Variants in NEIL2 observed in about 807,000 individuals in gnomAD.
NEIL2 encodes the protein nei like DNA glycosylase 2, also known as endonuclease 8-like 2.
Under a neutral mutation model 22.2 loss-of-function variants are expected in NEIL2, and 23 were observed. The ratio of observed to expected loss-of-function variants is 1.04; its 90% CI spans 0.75 to 1.47. The LOEUF is 1.47. Ranked by LOEUF, NEIL2 falls within the 40% of genes most tolerant of loss-of-function variation. The pLI is 0.00. For synonymous variants in NEIL2, 229 were observed against 164.8 expected (o/e 1.39, Z -2.99); for missense variants, 583 against 404.7 (o/e 1.44, Z -3.78).
At chr8:11,783,097 G>C in intron 3 of NEIL2, 106 bp from the exon 4 acceptor site, 1 of 900,626 alleles carries the variant, frequency 1.1e-6, no homozygotes, top group East Asian at 2.4e-5. Context: ...TCTATGTTGT[G>C]GTAACGATGT....
At position 11,786,584 on chromosome 8, in the gene NEIL2, TG is replaced by T; in HGVS notation, c.*314del. The T allele has an allele frequency of 2.3e-6, 1 of 428,988 alleles. No homozygotes were observed. The highest frequency in any genetic ancestry group is 2.3e-5 in the South Asian group (1 of 44,208). 26.6% of individuals were successfully genotyped at this position (428,988 alleles called of 1,614,324 possible). ...ATGGGGCAAGGAAAAAGAAAGCCTA[TG>T]GGAAATGGCTGTGCTCCCAACATAG... On this transcript the variant is annotated 3_prime_UTR_variant, in exon 5 of 5. Transcript: ENST00000284503.
intron 2 of NEIL2, among the ~76,000 whole-genome samples, chr8:11,777,813 G>C (rs1205389753): frequency 6.6e-6 from 1 of 152,212 alleles, no homozygotes; most frequent in Non-Finnish European, 1.5e-5. Context: ...CTGGAGCCTG[G>C]AAAGTCCAAG....
rs761026083 is a variant in NEIL2 at position 11,779,634 on chromosome 8, G to C, written c.175G>C (p.Asp59His). 5 of 1,613,536 alleles carry C rather than the reference G, an allele frequency of 3.1e-6. No homozygotes were observed. Among genetic ancestry groups the C allele is most frequent in the Non-Finnish European group, 3.4e-6 (4 of 1,179,904 alleles). ...GAAATTATTCCTTAGATTTGATCTA[G>C]ATGAAGAAATGGGGCCCCCTGGCAG... ...GKKLFLRFDL[D>H]EEMGPPGSSP... is the part of the protein sequence containing the mutation. Residue 59 changes from aspartate (D) to histidine (H), a missense_variant, in exon 3 of 5, where the codon GAT becomes CAT. By Grantham distance (81) the Asp-to-His change is moderately conservative (BLOSUM62 -1). Coordinates refer to ENST00000284503, the MANE Select transcript of NEIL2 (RefSeq NM_145043.4).
intron 4 of NEIL2, among the ~76,000 whole-genome samples, chr8:11,784,076 T>C (rs1804684696): frequency 6.6e-6 from 1 of 152,206 alleles, no homozygotes. Flanking sequence ...GTGCCCAAAA[T>C]TGGTTGCTGA....
chr8:11,779,513 G>C, intron 2 of NEIL2, 85 bp from the exon 3 acceptor site: 1 of 1,102,272 alleles, frequency 9.1e-7, no homozygotes, highest in East Asian at 2.3e-5. Flanking sequence ...TGAGAAGGAA[G>C]ACCTTTGCAA....
rs141885930 is a variant in NEIL2, at chr8:11,771,573, C to G, written c.126C>G (p.Leu42=). ...LQPASLQSLW[L]QDTQVHGKKL... Reference sequence around the variant, plus strand: ...CCGCCAGCCTGCAGTCTCTGTGGCTCCAGGACACCCAGGTGAGGTAATACT... The same window carrying G: ...CCGCCAGCCTGCAGTCTCTGTGGCTGCAGGACACCCAGGTGAGGTAATACT... Residue 42 remains leucine, a synonymous_variant, in exon 2 of 5, where the codon CTC becomes CTG. Coordinates refer to ENST00000284503, the MANE Select transcript of NEIL2 (RefSeq NM_145043.4). 2 of 1,613,770 alleles carry G rather than the reference C, an allele frequency of 1.2e-6. No individual in the cohort carries two copies. The highest frequency in any genetic ancestry group is 1.3e-5 in the African/African-American group (1 of 74,896).
At chr8:11,770,521 A>G (rs1262641414) in intron 1 of NEIL2, among the ~76,000 whole-genome samples, 186 bp downstream of exon 1, 1 of 152,172 alleles carries the variant, frequency 6.6e-6, no homozygotes, top group African/African-American at 2.4e-5. Context: ...AGCCGTCACC[A>G]TTTCTTAGAT....
chr8:11,770,841 G>A (rs906736555), intron 1 of NEIL2, among the ~76,000 whole-genome samples: 1 of 152,166 alleles, frequency 6.6e-6, no homozygotes, highest in Non-Finnish European at 1.5e-5. Flanking sequence ...GTTTCTCGGG[G>A]ATCAGAGATA....
chr8:11,779,903 A>T lies in NEIL2; in HGVS notation c.444A>T (p.Arg148Ser). Reference protein sequence around the residue: ...FGSVWVNDFSRAKKANKRGDW... With the variant: ...FGSVWVNDFSSAKKANKRGDW... ...GCGTTTGGGTGAACGATTTCTCCAG[A>T]GCCAAGAAAGCCAACAAGAGGGGGG... The change falls in exon 3 of 5, where the codon AGA becomes AGT. Residue 148 changes from arginine to serine, a missense_variant. Coordinates refer to ENST00000284503, the MANE Select transcript of NEIL2 (RefSeq NM_145043.4). The T allele has an allele frequency of 2.5e-6, 4 of 1,614,166 alleles. No homozygotes were observed. In the South Asian group the frequency reaches 4.4e-5, roughly 18 times the overall value.
chr8:11,773,173 C>G (rs754142062), intron 2 of NEIL2, among the ~76,000 whole-genome samples: 3 of 152,150 alleles, frequency 2.0e-5, no homozygotes, highest in African/African-American at 2.4e-5. Flanking sequence ...GTCTCTGGAT[C>G]CCCAGCACTT....
intron 2 of NEIL2, among the ~76,000 whole-genome samples, chr8:11,776,280 G>A (rs1803897193): frequency 6.6e-6 from 1 of 152,174 alleles, no homozygotes; most frequent in South Asian, 2.1e-4. Flanking sequence ...TTACTGTTGT[G>A]GGAACAGCAT....
chr8:11,778,967 A>AAG (rs58646648), intron 2 of NEIL2, among the ~76,000 whole-genome samples: 5 of 126,154 alleles, frequency 4.0e-5, no homozygotes, highest in Admixed American at 9.5e-5. Flanking sequence ...AAAAAAAAAG[A>AAG]CAGCAGAACA....
intron 3 of NEIL2, among the ~76,000 whole-genome samples, chr8:11,782,268 A>G (rs1350177417): frequency 2.0e-5 from 3 of 151,970 alleles, no homozygotes; most frequent in South Asian, 2.1e-4. Context: ...TACTAAAAGT[A>G]CAAAAAGTTA....
chr8:11,775,843 C>T (rs1803862152), intron 2 of NEIL2, among the ~76,000 whole-genome samples: 1 of 152,224 alleles, frequency 6.6e-6, no homozygotes, highest in South Asian at 2.1e-4. Context: ...ACCACTTCAG[C>T]CTGTACCTTA....
chr8:11,779,966 T>C lies in NEIL2; in HGVS notation c.491+16T>C. The stretch of plus-strand genomic sequence containing the variant: ...CTTCCCCGAGGTAATGGTGTGGCCA[T>C]CTGATTTTCGTGGGCTCTGATAGTC... On this transcript the variant is annotated intron_variant, in intron 3 of 4. Transcript: ENST00000284503. The C allele has an allele frequency of 1.2e-6, 2 of 1,609,164 alleles. No homozygotes were observed. Among genetic ancestry groups the C allele is most frequent in the Non-Finnish European group, 1.7e-6 (2 of 1,175,878 alleles).
chr8:11,773,229 A>G (rs752838472), intron 2 of NEIL2, among the ~76,000 whole-genome samples: 3 of 152,150 alleles, frequency 2.0e-5, no homozygotes, highest in Non-Finnish European at 4.4e-5. Context: ...ATATTTCCCA[A>G]GTGGATGGGT....
intron 2 of NEIL2, among the ~76,000 whole-genome samples, chr8:11,772,879 A>G (rs1803590338): frequency 6.6e-6 from 1 of 152,326 alleles, no homozygotes; most frequent in Non-Finnish European, 1.5e-5. Context: ...CGGGTACTCC[A>G]TAAGTACTAG....
In NEIL2 at chr8:11,783,410, T is replaced by A; in HGVS notation, c.688+11T>A. 2 of 1,611,592 alleles carry A rather than the reference T, an allele frequency of 1.2e-6. No homozygotes were observed. The highest frequency in any genetic ancestry group is 1.7e-6 in the Non-Finnish European group (2 of 1,177,706). ...ACTTCTCAGGGCTAGGTATGACTCA[T>A]GGGAAAGGGGTGAGTCCACAGAGTT... On this transcript the variant is annotated intron_variant, in intron 4 of 4. Transcript: ENST00000284503.
chr8:11,786,324 C>T lies in NEIL2; in HGVS notation c.*51C>T, dbSNP rs968010902. ...CCTTGCCGCTTGGGGAACCTGACGT[C>T]TAAGTGTCCAGAAAGGAGGATGTGG... On this transcript the variant is annotated 3_prime_UTR_variant, in exon 5 of 5. Transcript: ENST00000284503. The T allele has an allele frequency of 1.9e-6, 3 of 1,559,732 alleles. No homozygotes were observed. The highest frequency in any genetic ancestry group is 2.6e-6 in the Non-Finnish European group (3 of 1,145,014).
Sources: gnomAD v4.1 joint callset for allele counts (sites outside exome capture counted in the v4.1 genomes callset) on GRCh38, gnomAD v4.1.1 for gene constraint, MANE v1.5 for transcripts, NCBI Gene and HGNC (gene_info 2026-07-23, HGNC 2026-07-21) for gene names.